The following STK33 variants were observed in gnomAD, a reference collection of about 807,000 sequenced individuals.
STK33 encodes serine/threonine-protein kinase 33.
STK33 carries 52 observed loss-of-function variants against 58.0 expected under a neutral mutation model. The observed-to-expected ratio is 0.90, with a 90% CI of 0.72 to 1.13. The LOEUF (loss-of-function observed/expected upper bound fraction) is 1.13, where lower values mean the gene tolerates loss of function less well. STK33 is among the 50% of genes most tolerant of loss of function. STK33 has a pLI of 0.00. For synonymous variants in STK33, 215 were observed against 200.1 expected (o/e 1.07, Z -0.63); for missense variants, 630 against 604.2 (o/e 1.04, Z -0.45).
chr11:8,412,269 GA>G (rs1170124752), intron 15 of STK33, among the ~76,000 whole-genome samples: 7 of 152,138 alleles, frequency 4.6e-5, no homozygotes, highest in Admixed American at 1.3e-4. Context: ...GGAATTTTAT[GA>G]TATTATTTTT....
chr11:8,388,078 C>T (rs1408767693), downstream of STK33, among the ~76,000 whole-genome samples: 2 of 152,186 alleles, frequency 1.3e-5, no homozygotes, highest in African/African-American at 4.8e-5. Flanking sequence ...CGTCTCTAGT[C>T]CCATTCTCTG....
intron 1 of STK33, among the ~76,000 whole-genome samples, chr11:8,591,841 G>C (rs915678553): frequency 5.4e-5 from 8 of 147,664 alleles, no homozygotes; most frequent in Non-Finnish European, 8.8e-5. Context: ...GTTGTGGGGT[G>C]GGGGGGAGTG....
chr11:8,518,959 A>G lies in STK33; in HGVS notation c.-465-38345T>C, dbSNP rs1470035835. ...AGACAGAAAGTTAACAAGGATATCCAGGAATTGAACTCAGCTCTGCACCAA... is the reference window on the plus strand; with the variant it reads ...AGACAGAAAGTTAACAAGGATATCCGGGAATTGAACTCAGCTCTGCACCAA... On this transcript the variant is annotated intron_variant, in intron 1 of 15. Transcript: ENST00000687296. 2.6e-5 allele frequency among the ~76,000 whole-genome samples: 4 copies of G among 152,214 alleles called. No individual in the cohort carries two copies. In the East Asian group the frequency reaches 5.8e-4, roughly 22 times the overall value.
chr11:8,579,449 T>C (rs960732838), intron 1 of STK33, among the ~76,000 whole-genome samples: 204 of 152,160 alleles, frequency 1.3e-3, no homozygotes, highest in Non-Finnish European at 3.1e-4. Context: ...TAAAATACAA[T>C]GCAATTTTTT....
chr11:8,516,358 A>G lies in STK33; in HGVS notation c.-465-35744T>C, dbSNP rs1591575233. On this transcript the variant is annotated intron_variant, in intron 1 of 15. Coordinates refer to ENST00000687296, the MANE Select transcript of STK33 (RefSeq NM_001352389.2). ...TGGGAAAACTGGATATCCACATATA[A>G]AAGAATGAAACTGGGGGCAGATTCC... Among the ~76,000 whole-genome samples the G allele has an allele frequency of 2.0e-5, 3 of 152,236 alleles. No individual in the cohort carries two copies. In the East Asian group the frequency reaches 5.8e-4, roughly 29 times the overall value.
At chr11:8,493,733 A>G (rs1950826767) in intron 1 of STK33, among the ~76,000 whole-genome samples, 1 of 152,206 alleles carries the variant, frequency 6.6e-6, no homozygotes, top group Non-Finnish European at 1.5e-5. Context: ...GCAGCACATC[A>G]AAAAGTTTAT....
At chr11:8,553,328 T>G (rs1298326642) in intron 1 of STK33, among the ~76,000 whole-genome samples, 2 of 150,102 alleles carry the variant, frequency 1.3e-5, no homozygotes, top group Non-Finnish European at 3.0e-5. Flanking sequence ...TTATGTACTT[T>G]ACATAAGTAT....
chr11:8,470,385 C>G (rs933560786), intron 6 of STK33, among the ~76,000 whole-genome samples: 25 of 152,176 alleles, frequency 1.6e-4, no homozygotes, highest in Non-Finnish European at 2.1e-4. Context: ...GGGCCTTGCT[C>G]TGGATTAGGC....
At chr11:8,522,163 A>G (rs1325619540) in intron 1 of STK33, among the ~76,000 whole-genome samples, 1 of 152,230 alleles carries the variant, frequency 6.6e-6, no homozygotes, top group African/African-American at 2.4e-5. Context: ...GCTGCTATAA[A>G]GACACATGCA....
chr11:8,448,274 A>T (rs1222269453), intron 11 of STK33, among the ~76,000 whole-genome samples: 1 of 152,176 alleles, frequency 6.6e-6, no homozygotes, highest in Non-Finnish European at 1.5e-5. Context: ...CAGAATTGGA[A>T]AAAACTACTT....
chr11:8,585,204 T>G (rs1345796471), intron 1 of STK33, among the ~76,000 whole-genome samples: 1 of 141,130 alleles, frequency 7.1e-6, no homozygotes, highest in African/African-American at 2.7e-5. Flanking sequence ...ATTACAGGTG[T>G]GAGCCACTGC....
chr11:8,525,353 C>T (rs890054533), intron 1 of STK33, among the ~76,000 whole-genome samples: 4 of 152,148 alleles, frequency 2.6e-5, no homozygotes, highest in African/African-American at 9.7e-5. Flanking sequence ...AATCAGCTAT[C>T]AGCACTTACT....
At chr11:8,351,815 T>TACC in the STK33 span, among the ~76,000 whole-genome samples, 419 of 152,266 alleles carry the variant, frequency 2.8e-3, 5 homozygotes, top group African/African-American at 9.6e-3. Flanking sequence ...GAGACCTGGA[T>TACC]ACCACCACGA....
chr11:8,545,911 C>T (rs1426467905), intron 1 of STK33, among the ~76,000 whole-genome samples: 1 of 152,196 alleles, frequency 6.6e-6, no homozygotes, highest in African/African-American at 2.4e-5. Flanking sequence ...TGCGCTTACA[C>T]AAACCTAGAT....
the STK33 span, among the ~76,000 whole-genome samples, chr11:8,343,536 C>G: frequency 6.6e-6 from 1 of 152,180 alleles, no homozygotes; most frequent in Non-Finnish European, 1.5e-5. Flanking sequence ...TGGAAATCCC[C>G]CGCACACTCG....
chr11:8,400,502 C>G (rs1043997172), intron 15 of STK33, among the ~76,000 whole-genome samples: 3 of 152,178 alleles, frequency 2.0e-5, no homozygotes, highest in African/African-American at 7.2e-5. Context: ...GACAAACCCA[C>G]AGCCAATATC....
At chr11:8,492,237 G>A (rs1378048988) in intron 1 of STK33, among the ~76,000 whole-genome samples, 1 of 151,972 alleles carries the variant, frequency 6.6e-6, no homozygotes, top group Admixed American at 6.6e-5. Flanking sequence ...TCAAAATAAA[G>A]GGATGGAGGA....
At chr11:8,586,596 G>A (rs1047207591) in intron 1 of STK33, among the ~76,000 whole-genome samples, 1 of 152,032 alleles carries the variant, frequency 6.6e-6, no homozygotes, top group African/African-American at 2.4e-5. Flanking sequence ...GGCCAAGATG[G>A]GTGGATCACT....
intron 15 of STK33, among the ~76,000 whole-genome samples, chr11:8,404,092 C>G (rs927885635): frequency 3.9e-5 from 6 of 152,112 alleles, no homozygotes; most frequent in African/African-American, 1.4e-4. Flanking sequence ...AATGGCTACC[C>G]ACCTTCCTCA....
Sources: allele counts gnomAD v4.1 joint callset (sites outside exome capture counted in the v4.1 genomes callset), GRCh38; gene constraint gnomAD v4.1.1; transcripts MANE v1.5; gene names NCBI Gene and HGNC (gene_info 2026-07-23, HGNC 2026-07-21).